LMX1B: variants seen among roughly 807,000 people sequenced by gnomAD.
The protein encoded by LMX1B is LIM homeobox transcription factor 1-beta.
In LMX1B, 12 loss-of-function variants were observed where a neutral mutation model predicts 51.4. That is an observed-to-expected ratio of 0.23 (90% CI 0.15 to 0.38). LMX1B has a LOEUF of 0.38. LMX1B is among the 10% of genes least tolerant of loss of function. The pLI is 1.00. For synonymous variants in LMX1B, 237 were observed against 235.4 expected, an observed-to-expected ratio of 1.01 and a Z score of -0.06; for missense variants, 445 against 571.1, an observed-to-expected ratio of 0.78 and a Z score of 2.25.
At position 126,626,909 on chromosome 9, in the gene LMX1B, T is replaced by A. The variant is rs1233411570; in HGVS notation, c.326+11340T>A. On this transcript the variant is annotated intron_variant, in intron 2 of 7. Transcript: ENST00000373474. The surrounding 1 kb of genome is among the most constrained non-coding windows in gnomAD (Gnocchi z 4.3). ...GGCGGCCTAAGACAACGCAGATGGTTCCTATCAGCCCGGCCGGGCCCGCAG... is the reference window on the plus strand; with the variant it reads ...GGCGGCCTAAGACAACGCAGATGGTACCTATCAGCCCGGCCGGGCCCGCAG... Among the ~76,000 whole-genome samples, 1 of 152,066 alleles carries A rather than the reference T, an allele frequency of 6.6e-6. No homozygotes were observed. The highest frequency in any genetic ancestry group is 2.4e-5 in the African/African-American group (1 of 41,426).
In LMX1B at chr9:126,615,477, G is replaced by A. The variant is rs1436244946; in HGVS notation, c.234G>A (p.Glu78=). 1.2e-6 allele frequency: 2 copies of A among 1,611,346 alleles called. No individual in the cohort carries two copies. Among genetic ancestry groups the A allele is most frequent in the Non-Finnish European group, 1.7e-6 (2 of 1,178,694 alleles). The part of the protein sequence containing the change: ...LMRVNESSWH[E]ECLQCAACQQ... ...GAGTCAACGAGTCGTCCTGGCACGA[G>A]GAGTGTTTGCAGTGCGCGGCGTGTC... Residue 78 remains glutamate, a synonymous_variant, in exon 2 of 8, where the codon GAG becomes GAA. Transcript: ENST00000373474. This position sits in a 1 kb window ranked among gnomAD's most constrained non-coding sequence, Gnocchi z 6.0.
At chr9:126,675,788 G>A (rs1836545054) in intron 2 of LMX1B, among the ~76,000 whole-genome samples, 2 of 148,010 alleles carry the variant, frequency 1.4e-5, no homozygotes, top group Admixed American at 6.8e-5. Context: ...GGTGGCTCAC[G>A]CCTGTAATCC....
chr9:126,656,271 C>G lies in LMX1B; in HGVS notation c.327-34565C>G, dbSNP rs61599531. On this transcript the variant is annotated intron_variant, in intron 2 of 7. Transcript: ENST00000373474. ...GAAATATTAAACAAGATCTTCAGGC[C>G]GGATGCAGTAGCTCACACCTGTAAT... 5.9e-5 allele frequency among the ~76,000 whole-genome samples: 9 copies of G among 152,060 alleles called. No individual in the cohort carries two copies. The East Asian group carries it at 1.7e-3, about 29-fold the overall frequency.
At chr9:126,687,666 C>G (rs2029954413) in intron 2 of LMX1B, among the ~76,000 whole-genome samples, 2 of 152,358 alleles carry the variant, frequency 1.3e-5, no homozygotes, top group Admixed American at 1.3e-4. Context: ...GCTACATCTT[C>G]ATGCTGAGAT....
rs2030443493 is a variant in LMX1B at position 126,698,940 on chromosome 9, G to A, written c.*2489G>A. On this transcript the variant is annotated 3_prime_UTR_variant, in exon 8 of 8. Transcript: ENST00000373474. ...AAACAGAGCCTCTCCAAGGACCTCA[G>A]TTGATGTTCTGGTCCTTCTGCCGCC... The A allele has an allele frequency of 6.6e-6, 1 of 152,346 alleles. No individual in the cohort carries two copies. Among genetic ancestry groups the A allele is most frequent in the Non-Finnish European group, 1.5e-5 (1 of 68,140 alleles). 9.4% of individuals were successfully genotyped at this position (152,346 alleles called of 1,614,324 possible). A position where few individuals can be genotyped will look rare whatever the true frequency, so the allele number is the denominator to read the frequency against.
At chr9:126,644,487 G>C (rs527594114) in intron 2 of LMX1B, among the ~76,000 whole-genome samples, 4 of 152,134 alleles carry the variant, frequency 2.6e-5, no homozygotes, top group Non-Finnish European at 4.4e-5. Context: ...GGGAGTGCCC[G>C]CCCTTCCCGC....
Position 126,695,991 on chromosome 9 carries a change from A to G in LMX1B, c.1039A>G (p.Met347Val). 3 of 1,608,786 alleles carry G rather than the reference A, an allele frequency of 1.9e-6. No homozygotes were observed. Among genetic ancestry groups the G allele is most frequent in the Non-Finnish European group, 2.5e-6 (3 of 1,178,190 alleles). The change falls in exon 7 of 8, where the codon ATG becomes GTG. Residue 347 changes from methionine (M) to valine (V), a missense_variant. By Grantham distance (21) the Met-to-Val change is conservative. Around this residue, in one of 3 missense-constraint regions of LMX1B, gnomAD observed 162 missense variants for 187.8 expected, o/e 0.86. Coordinates refer to ENST00000373474, the MANE Select transcript of LMX1B (RefSeq NM_001174147.2). This position sits in a 1 kb window ranked among gnomAD's most constrained non-coding sequence, Gnocchi z 5.2. ...LTPPQMPGDHMNPYGNDSIFH... is the reference protein window; with the variant it reads ...LTPPQMPGDHVNPYGNDSIFH... ...GCCGCCCCAAATGCCAGGTGACCACATGAACCCCTATGGTAAGCCGCCCTA... is the reference window on the plus strand; with the variant it reads ...GCCGCCCCAAATGCCAGGTGACCACGTGAACCCCTATGGTAAGCCGCCCTA...
At position 126,696,556 on chromosome 9, in the gene LMX1B, C is replaced by A; in HGVS notation, c.*105C>A. On this transcript the variant is annotated 3_prime_UTR_variant, in exon 8 of 8. Coordinates refer to ENST00000373474, the MANE Select transcript of LMX1B (RefSeq NM_001174147.2). Reference sequence around the variant, plus strand: ...CCCTGCTCTCCGCACAGACTACAGACAGCCATACGGTGCCCTCCCCTCGGC... The same window carrying A: ...CCCTGCTCTCCGCACAGACTACAGAAAGCCATACGGTGCCCTCCCCTCGGC... 1 of 1,390,438 alleles carries A rather than the reference C, an allele frequency of 7.2e-7. No homozygotes were observed. 86.1% of individuals were successfully genotyped at this position (1,390,438 alleles called of 1,614,324 possible).
rs5900714 is a variant in LMX1B at position 126,652,000 on chromosome 9, T to TGG, written c.326+36439_326+36440dup. Among the ~76,000 whole-genome samples the TGG allele has an allele frequency of 3.5e-3, 528 of 148,902 alleles. 3 individuals are homozygous for TGG. The highest frequency in any genetic ancestry group is 0.013 in the East Asian group (63 of 4,904). On this transcript the variant is annotated intron_variant, in intron 2 of 7. Transcript: ENST00000373474. Reference sequence around the variant, plus strand: ...CACAAGCCTCGGTAGTGGCCAGAGATGGGGGGGGGCCTGCCTGCGGTGGGA... The same window carrying TGG: ...CACAAGCCTCGGTAGTGGCCAGAGATGGGGGGGGGGGCCTGCCTGCGGTGGGA...
Position 126,615,638 on chromosome 9 carries a change from C to T in LMX1B, c.326+69C>T, listed in dbSNP as rs1835289686. 10 of 1,431,774 alleles carry T rather than the reference C, an allele frequency of 7.0e-6. No individual in the cohort carries two copies. In the South Asian group the frequency reaches 1.0e-4, roughly 14 times the overall value. The allele number at this position is 1,431,774 out of a possible 1,614,324, so 88.7% of individuals were successfully genotyped here. ...GAGCCCGGTCAGCCCCCTGCCGGGC[C>T]CGGCCCGCGCCCGCTCTGCCGCCGG... On this transcript the variant is annotated intron_variant, in intron 2 of 7. Transcript: ENST00000373474. The surrounding 1 kb of genome is among the most constrained non-coding windows in gnomAD (Gnocchi z 6.0).
At chr9:126,692,869 C>T (rs2030182640) in intron 3 of LMX1B, among the ~76,000 whole-genome samples, 1 of 152,230 alleles carries the variant, frequency 6.6e-6, no homozygotes, top group Non-Finnish European at 1.5e-5. Context: ...AGTTCCTGTG[C>T]AGGTGTGCCC....
chr9:126,693,896 C>A, intron 6 of LMX1B, 84 bp downstream of exon 6: 1 of 707,248 alleles, frequency 1.4e-6, no homozygotes, highest in Non-Finnish European at 2.5e-6. Flanking sequence ...TGAGCTGGGG[C>A]AGAGGCTGGG....
intron 2 of LMX1B, among the ~76,000 whole-genome samples, chr9:126,665,542 G>A (rs1219984253): frequency 5.3e-5 from 8 of 152,236 alleles, no homozygotes; most frequent in Admixed American, 3.3e-4. Context: ...TGGAGGAGGC[G>A]GGAGGCTCCT....
At chr9:126,672,586 G>C (rs1836477718) in intron 2 of LMX1B, among the ~76,000 whole-genome samples, 1 of 152,216 alleles carries the variant, frequency 6.6e-6, no homozygotes, top group Non-Finnish European at 1.5e-5. Context: ...CTGTGAGCCT[G>C]GAAGGGGGTT....
rs944316005 is a variant in LMX1B at position 126,673,813 on chromosome 9, G to A, written c.327-17023G>A. On this transcript the variant is annotated intron_variant, in intron 2 of 7. Coordinates refer to ENST00000373474, the MANE Select transcript of LMX1B (RefSeq NM_001174147.2). The surrounding 1 kb of genome is among the most constrained non-coding windows in gnomAD (Gnocchi z 4.4). ...GCCGGGGTGGAGGGCGCATCCCCAC[G>A]GGGAGATTGGATGGAAATGGCCTGC... is the stretch of plus-strand genomic sequence containing the variant. Among the ~76,000 whole-genome samples the A allele has an allele frequency of 4.6e-5, 7 of 152,130 alleles. No homozygotes were observed. The highest frequency in any genetic ancestry group is 8.8e-5 in the Non-Finnish European group (6 of 68,008).
In LMX1B at chr9:126,615,826, C is replaced by T. The variant is rs1835293885; in HGVS notation, c.326+257C>T. Among the ~76,000 whole-genome samples the T allele has an allele frequency of 6.6e-6, 1 of 152,194 alleles. No individual in the cohort carries two copies. Among genetic ancestry groups the T allele is most frequent in the Non-Finnish European group, 1.5e-5 (1 of 68,044 alleles). On this transcript the variant is annotated intron_variant, in intron 2 of 7. Coordinates refer to ENST00000373474, the MANE Select transcript of LMX1B (RefSeq NM_001174147.2). The surrounding 1 kb of genome is among the most constrained non-coding windows in gnomAD (Gnocchi z 6.0). ...TCCCGGAATCCTGCGCTGGGCCGGC[C>T]GAGGGATTTGGTGCCTGGGTCCTGG...
chr9:126,644,951 T>A (rs1190117379), intron 2 of LMX1B, among the ~76,000 whole-genome samples: 2 of 152,066 alleles, frequency 1.3e-5, no homozygotes, highest in Admixed American at 6.5e-5. Context: ...CCTGGGGGCT[T>A]CTCCTGCCCT....
chr9:126,689,331 G>A (rs761802013), intron 2 of LMX1B, among the ~76,000 whole-genome samples: 2 of 152,206 alleles, frequency 1.3e-5, no homozygotes, highest in Admixed American at 6.5e-5. Flanking sequence ...GGAGGCAGGC[G>A]AGTGCCTCCC....
intron 2 of LMX1B, among the ~76,000 whole-genome samples, chr9:126,676,051 A>G (rs1308610727): frequency 1.4e-5 from 2 of 143,920 alleles, no homozygotes; most frequent in African/African-American, 5.6e-5. Context: ...TCCGTCTCAA[A>G]AAAAAAAAAA....
Sources: gnomAD v4.1 joint callset for allele counts (sites outside exome capture counted in the v4.1 genomes callset) on GRCh38, gnomAD v4.1.1 for gene constraint, gnomAD v4.1.1 regional missense constraint, Gnocchi (gnomAD v3.1) non-coding constraint, MANE v1.5 for transcripts, NCBI Gene and HGNC (gene_info 2026-07-23, HGNC 2026-07-21) for gene names.